Variants in CSF1R observed in about 807,000 individuals in gnomAD.
CSF1R encodes colony stimulating factor 1 receptor.
Under a neutral mutation model 110.0 loss-of-function variants are expected in CSF1R, and 40 were observed. The observed-to-expected ratio is 0.36, with a 90% CI of 0.28 to 0.47. The LOEUF (loss-of-function observed/expected upper bound fraction) is 0.47. Among genes scored for constraint, CSF1R ranks in the 20% least tolerant of loss-of-function variants. The pLI is 0.99. For synonymous variants in CSF1R, 523 were observed against 503.4 expected, an observed-to-expected ratio of 1.04 and a Z score of -0.52; for missense variants, 1,052 against 1,253.0, an observed-to-expected ratio of 0.84 and a Z score of 2.42.
chr5:150,099,960 T>C (rs1759350143), intron 1 of CSF1R, among the ~76,000 whole-genome samples: 1 of 152,088 alleles, frequency 6.6e-6, no homozygotes, highest in Non-Finnish European at 1.5e-5. Context: ...AAAAGGGAAG[T>C]CTTTCTATAA....
intron 1 of CSF1R, among the ~76,000 whole-genome samples, chr5:150,111,272 G>C (rs1759709436): frequency 6.6e-6 from 1 of 152,062 alleles, no homozygotes; most frequent in South Asian, 2.1e-4. Context: ...CAAGAACCCC[G>C]GCCGTGAGTG....
rs1284727280 is a variant in CSF1R, at chr5:150,086,324, G to C, written c.49+55C>G. 4 of 1,537,446 alleles carry C rather than the reference G, an allele frequency of 2.6e-6. No homozygotes were observed. In the East Asian group the frequency reaches 9.6e-5, roughly 37 times the overall value. On this transcript the variant is annotated intron_variant, in intron 1 of 20. Coordinates refer to ENST00000675795, the MANE Select transcript of CSF1R (RefSeq NM_001288705.3). ...GGGGCAAGGACTGAATCCTTTCACAGGGGTCTTCTCCATCACACCCCAACA... is the reference window on the plus strand; with the variant it reads ...GGGGCAAGGACTGAATCCTTTCACACGGGTCTTCTCCATCACACCCCAACA...
Position 150,086,512 on chromosome 5 carries a change from C to T in CSF1R, c.-85G>A, listed in dbSNP as rs542047418. ...TCTCAGCTACTAGCTCCGCAGGGAT[C>T]GGGACACTGGACACACGTTCCTCTC... On this transcript the variant is annotated 5_prime_UTR_variant, in exon 1 of 21. Transcript: ENST00000675795. 70 of 1,327,296 alleles carry T rather than the reference C, an allele frequency of 5.3e-5. No individual in the cohort carries two copies. Among genetic ancestry groups the T allele is most frequent in the East Asian group, 4.4e-4 (18 of 41,016 alleles). The allele number at this position is 1,327,296 out of a possible 1,614,324, so 82.2% of individuals were successfully genotyped here. A position where few individuals can be genotyped will look rare whatever the true frequency, so the allele number is the denominator to read the frequency against.
chr5:150,075,836 C>G (rs1758236402), intron 5 of CSF1R, among the ~76,000 whole-genome samples: 1 of 152,192 alleles, frequency 6.6e-6, no homozygotes, highest in Non-Finnish European at 1.5e-5. Flanking sequence ...TGTGCTTTTG[C>G]TCTTCTTCCC....
rs527242351 is a variant in CSF1R, at chr5:150,065,165, C to T, written c.1626+3050G>A. ...CTTCCCTTCCTCCCATCCTCCCCAC[C>T]AAAGGGGGCATGGAGACAAAGTCCC... is the stretch of plus-strand genomic sequence containing the variant. On this transcript the variant is annotated intron_variant, in intron 10 of 20. Transcript: ENST00000675795. Among the ~76,000 whole-genome samples the T allele has an allele frequency of 2.0e-5, 3 of 152,344 alleles. No individual in the cohort carries two copies. In the South Asian group the frequency reaches 6.2e-4, roughly 32 times the overall value.
rs542845269 is a variant in CSF1R at position 150,075,103 on chromosome 5, C to T, written c.890-1610G>A. ...CAGACTACACACTCATTAGGCACCA[C>T]ATCTGCACTGCTTCATGCATCTGGT... is the stretch of plus-strand genomic sequence containing the variant. On this transcript the variant is annotated intron_variant, in intron 5 of 20. Coordinates refer to ENST00000675795, the MANE Select transcript of CSF1R (RefSeq NM_001288705.3). 2.7e-4 allele frequency among the ~76,000 whole-genome samples: 41 copies of T among 152,354 alleles called. No homozygotes were observed. The South Asian group carries it at 7.5e-3, about 28-fold the overall frequency.
At chr5:150,078,436 A>G (rs1454627583) in intron 3 of CSF1R, among the ~76,000 whole-genome samples, 188 bp from the exon 4 acceptor site, 1 of 151,928 alleles carries the variant, frequency 6.6e-6, no homozygotes, top group Non-Finnish European at 1.5e-5. Context: ...GAGACCTTGG[A>G]AAGTCTACTT....
In CSF1R at chr5:150,059,752, C is replaced by T. The variant is rs545858226; in HGVS notation, c.2080G>A (p.Glu694Lys). 102 of 1,614,102 alleles carry T rather than the reference C, an allele frequency of 6.3e-5. No homozygotes were observed. Among genetic ancestry groups the T allele is most frequent in the Non-Finnish European group, 8.6e-5 (101 of 1,180,040 alleles). The change falls in exon 14 of 21, where the codon GAG (glutamate) becomes AAG (lysine). Residue 694 changes from glutamate (E) to lysine (K), a missense_variant. By Grantham distance (56) the Glu-to-Lys change is moderately conservative (BLOSUM62 1). Coordinates refer to ENST00000675795, the MANE Select transcript of CSF1R (RefSeq NM_001288705.3). ...GPSLSPGQDP[E>K]GGVDYKNIHL... ...ATGTTCTTATAGTCGACGCCTCCCT[C>T]GGGGTCCTGGCCGGGGCTCAGGCTG... is the stretch of plus-strand genomic sequence containing the variant.
intron 1 of CSF1R, among the ~76,000 whole-genome samples, chr5:150,094,065 A>C (rs1217359710): frequency 1.5e-5 from 1 of 67,900 alleles, no homozygotes; most frequent in Admixed American, 1.5e-4. Flanking sequence ...TTCCATCTCA[A>C]AAAAAAAAAA....
At chr5:150,096,491 C>G (rs561478021) in intron 1 of CSF1R, among the ~76,000 whole-genome samples, 8 of 152,292 alleles carry the variant, frequency 5.3e-5, no homozygotes, top group Admixed American at 5.2e-4. Flanking sequence ...ATGATACCAG[C>G]AGTATCCCAA....
chr5:150,080,276 G>A lies in CSF1R; in HGVS notation c.368C>T (p.Ala123Val), dbSNP rs140924076. ...GTCTGTGAGCAGACAGGGCAGTAGT[G>A]CGTCCTGGTCCTCGAACACGACCAC... is the stretch of plus-strand genomic sequence containing the variant. The part of the protein sequence containing the change: ...QEVVVFEDQD[A>V]LLPCLLTDPV... The change falls in exon 3 of 21, where the codon GCA becomes GTA. Residue 123 changes from alanine to valine, a missense_variant. Ala to Val is a moderately conservative substitution (Grantham distance 64, BLOSUM62 0). Transcript: ENST00000675795. 7.4e-6 allele frequency: 12 copies of A among 1,613,876 alleles called. No homozygotes were observed.
chr5:150,058,783 A>G (rs1251905669), intron 14 of CSF1R, among the ~76,000 whole-genome samples: 1 of 151,820 alleles, frequency 6.6e-6, no homozygotes, highest in Non-Finnish European at 1.5e-5. Flanking sequence ...ATGAGGGCGC[A>G]GTGTACACCC....
intron 1 of CSF1R, among the ~76,000 whole-genome samples, chr5:150,081,724 CTA>C (rs1287427309): frequency 6.6e-6 from 1 of 152,212 alleles, no homozygotes; most frequent in East Asian, 1.9e-4. Flanking sequence ...GAGTTAGTCA[CTA>C]TGTTTATTAC....
intron 1 of CSF1R, among the ~76,000 whole-genome samples, chr5:150,101,257 G>A (rs781372816): frequency 5.3e-5 from 8 of 152,164 alleles, no homozygotes; most frequent in Non-Finnish European, 8.8e-5. Context: ...AGAAAGACGC[G>A]CCTGAGCTGG....
intron 11 of CSF1R, 62 bp from the exon 12 acceptor site, chr5:150,061,657 T>C (rs1334469818): frequency 6.2e-7 from 1 of 1,614,126 alleles, no homozygotes; most frequent in Admixed American, 1.7e-5. Context: ...CAAGGGCCCA[T>C]GGGCTCCCTG....
At chr5:150,070,130 AG>A in intron 8 of CSF1R, 51 bp downstream of exon 8, 1 of 1,608,980 alleles carries the variant, frequency 6.2e-7, no homozygotes, top group Non-Finnish European at 8.5e-7. Context: ...TCCCACTCAC[AG>A]GGTGCCCAGC....
chr5:150,077,033 G>A (rs1758294657), intron 5 of CSF1R: 1 of 554,024 alleles, frequency 1.8e-6, no homozygotes, highest in Non-Finnish European at 3.3e-6. Context: ...AACAAAAAAT[G>A]GCACTAAGGT....
chr5:150,109,473 G>A (rs1407704055), intron 1 of CSF1R, among the ~76,000 whole-genome samples: 1 of 152,188 alleles, frequency 6.6e-6, no homozygotes, highest in Non-Finnish European at 1.5e-5. Flanking sequence ...GAAGCTTCCT[G>A]CCTTGCCAAG....
At chr5:150,105,114 C>G (rs62380713) in intron 1 of CSF1R, among the ~76,000 whole-genome samples, 30,256 of 151,146 alleles carry the variant, frequency 0.2, 3,660 homozygotes, top group Middle Eastern at 0.36. Context: ...TTTGGGAGGC[C>G]CAGGCAGGTG....
Sources: gnomAD v4.1 joint callset for allele counts (sites outside exome capture counted in the v4.1 genomes callset) on GRCh38, gnomAD v4.1.1 for gene constraint, MANE v1.5 for transcripts, NCBI Gene and HGNC (gene_info 2026-07-23, HGNC 2026-07-21) for gene names.